COMMD10: variants seen among roughly 807,000 people sequenced by gnomAD.
COMMD10 encodes the protein COMM domain-containing protein 10.
A neutral mutation model predicts 28.9 loss-of-function variants in COMMD10; 33 were observed. That is an observed-to-expected ratio of 1.14 (90% CI 0.87 to 1.53). The LOEUF is 1.53. Ranked by LOEUF, COMMD10 falls within the 40% of genes most tolerant of loss-of-function variation. The pLI is 0.00. For missense variants in COMMD10, 310 were observed against 233.4 expected, an observed-to-expected ratio of 1.33 and a Z score of -2.14; for synonymous variants, 110 against 81.7, an observed-to-expected ratio of 1.35 and a Z score of -1.87.
At chr5:116,217,393 T>C (rs1328831149) in intron 5 of COMMD10, among the ~76,000 whole-genome samples, 2 of 152,218 alleles carry the variant, frequency 1.3e-5, no homozygotes, top group African/African-American at 2.4e-5. Flanking sequence ...TCTGATGCTC[T>C]GAACAGGCAA....
chr5:116,104,865 C>T (rs940090288), intron 4 of COMMD10, among the ~76,000 whole-genome samples: 4 of 152,176 alleles, frequency 2.6e-5, no homozygotes, highest in Non-Finnish European at 4.4e-5. Flanking sequence ...GTGATCCGTC[C>T]GCCTTGGCCT....
At chr5:116,193,532 T>C (rs184720378) in intron 5 of COMMD10, among the ~76,000 whole-genome samples, 8 of 152,186 alleles carry the variant, frequency 5.3e-5, no homozygotes, top group Non-Finnish European at 8.8e-5. Context: ...GCTACTCTTA[T>C]GTCAGACAAA....
intron 5 of COMMD10, among the ~76,000 whole-genome samples, chr5:116,287,513 G>A (rs1289399696): frequency 6.6e-6 from 1 of 151,662 alleles, no homozygotes; most frequent in Non-Finnish European, 1.5e-5. Flanking sequence ...GTTGGATTCT[G>A]TTATTTTATC....
At chr5:116,137,055 G>A (rs1752044579) in intron 5 of COMMD10, among the ~76,000 whole-genome samples, 2 of 152,012 alleles carry the variant, frequency 1.3e-5, no homozygotes, top group South Asian at 4.1e-4. Context: ...GTGTGCCCTA[G>A]CTGTAAAGGA....
chr5:116,211,043 T>G (rs1302272041), intron 5 of COMMD10, among the ~76,000 whole-genome samples: 2 of 152,130 alleles, frequency 1.3e-5, no homozygotes, highest in African/African-American at 4.8e-5. Context: ...TTGTTAATAA[T>G]TTAAATATTG....
At chr5:116,090,209 G>T (rs1208910639) in intron 2 of COMMD10, among the ~76,000 whole-genome samples, 1 of 152,152 alleles carries the variant, frequency 6.6e-6, no homozygotes, top group African/African-American at 2.4e-5. Flanking sequence ...AGTCCTCTTT[G>T]GCCATCTTCT....
chr5:116,250,120 A>G (rs1750066303), intron 5 of COMMD10, among the ~76,000 whole-genome samples: 1 of 151,734 alleles, frequency 6.6e-6, no homozygotes, highest in African/African-American at 2.4e-5. Context: ...CTGACTTTTT[A>G]CTTTCAAACA....
intron 5 of COMMD10, among the ~76,000 whole-genome samples, chr5:116,159,889 C>G (rs905029760): frequency 1.7e-4 from 26 of 152,104 alleles, no homozygotes; most frequent in African/African-American, 6.3e-4. Context: ...GCTTAATTCT[C>G]CTCCCTAGTG....
chr5:116,279,040 A>G (rs539035541), intron 5 of COMMD10, among the ~76,000 whole-genome samples: 5 of 151,836 alleles, frequency 3.3e-5, no homozygotes, highest in Non-Finnish European at 5.9e-5. Flanking sequence ...TAAAAGATCT[A>G]GCTAAATGAA....
intron 4 of COMMD10, among the ~76,000 whole-genome samples, chr5:116,100,648 G>A (rs1212221452): frequency 6.9e-6 from 1 of 145,282 alleles, no homozygotes; most frequent in East Asian, 2.0e-4. Flanking sequence ...ATCTCTTATT[G>A]TTTAGATTTA....
intron 5 of COMMD10, among the ~76,000 whole-genome samples, chr5:116,199,570 A>C (rs778001786): frequency 6.7e-6 from 1 of 149,870 alleles, no homozygotes; most frequent in Non-Finnish European, 1.5e-5. Context: ...CTGTTAGATC[A>C]ATTAAGAATG....
chr5:116,126,883 A>C (rs1390257522), intron 4 of COMMD10, among the ~76,000 whole-genome samples: 6 of 152,234 alleles, frequency 3.9e-5, no homozygotes, highest in Non-Finnish European at 8.8e-5. Context: ...TTCATGTCTA[A>C]AACACCAAAA....
At chr5:116,149,904 T>C (rs1335728628) in intron 5 of COMMD10, among the ~76,000 whole-genome samples, 4 of 151,814 alleles carry the variant, frequency 2.6e-5, no homozygotes, top group Admixed American at 6.6e-5. Flanking sequence ...CCATTGCTTT[T>C]GGTGTTTTAG....
intron 5 of COMMD10, among the ~76,000 whole-genome samples, chr5:116,265,688 C>A (rs890150227): frequency 2.6e-5 from 4 of 151,710 alleles, no homozygotes; most frequent in South Asian, 2.1e-4. Context: ...CAAACACTTG[C>A]AATAAGTCCT....
intron 5 of COMMD10, among the ~76,000 whole-genome samples, chr5:116,172,344 G>A (rs1159230374): frequency 6.6e-6 from 1 of 152,068 alleles, no homozygotes; most frequent in Non-Finnish European, 1.5e-5. Context: ...CAGACAGAGG[G>A]AGCGAGTGAT....
At position 116,150,296 on chromosome 5, in the gene COMMD10, C is replaced by A. The variant is rs189986954; in HGVS notation, c.510+16118C>A. 8.4e-3 allele frequency among the ~76,000 whole-genome samples: 1,281 copies of A among 152,268 alleles called. 14 individuals are homozygous for A. Among genetic ancestry groups the A allele is most frequent in the Admixed American group, 0.016 (247 of 15,288 alleles). ...AGTTTGAAGTCAGGTAGTGTGATGC[C>A]TCCAGCTTTTTTCTTTTTGCTTAGG... On this transcript the variant is annotated intron_variant, in intron 5 of 6. Coordinates refer to ENST00000274458, the MANE Select transcript of COMMD10 (RefSeq NM_016144.4).
chr5:116,212,181 G>A (rs943198674), intron 5 of COMMD10, among the ~76,000 whole-genome samples: 1 of 151,960 alleles, frequency 6.6e-6, no homozygotes, highest in Non-Finnish European at 1.5e-5. Context: ...ATGTAACTTA[G>A]CGTAATATAA....
chr5:116,102,805 A>G (rs1205653647), intron 4 of COMMD10, among the ~76,000 whole-genome samples: 2 of 152,032 alleles, frequency 1.3e-5, no homozygotes, highest in East Asian at 3.9e-4. Flanking sequence ...TCCTAATGCT[A>G]TCCCTCCACC....
intron 5 of COMMD10, among the ~76,000 whole-genome samples, chr5:116,204,002 C>T (rs372732775): frequency 5.9e-5 from 9 of 152,188 alleles, no homozygotes; most frequent in East Asian, 3.9e-4. Flanking sequence ...ACCCATCTCA[C>T]GTGCAGAGAC....
Sources: allele counts gnomAD v4.1 joint callset (sites outside exome capture counted in the v4.1 genomes callset), GRCh38; gene constraint gnomAD v4.1.1; transcripts MANE v1.5; gene names NCBI Gene and HGNC (gene_info 2026-07-23, HGNC 2026-07-21).